STK32A: variants seen among roughly 807,000 people sequenced by gnomAD.
The protein encoded by STK32A is serine/threonine-protein kinase 32A.
In STK32A, 41 loss-of-function variants were observed where a neutral mutation model predicts 53.2. The observed-to-expected ratio is 0.77, with a 90% CI of 0.60 to 1.00. The LOEUF (loss-of-function observed/expected upper bound fraction) is 1.00, where lower values mean the gene tolerates loss of function less well. STK32A is among the 50% of genes least tolerant of loss of function. The pLI, the probability that STK32A is intolerant of heterozygous loss-of-function variation, is 0.00. For synonymous variants in STK32A, 166 were observed against 162.8 expected, an observed-to-expected ratio of 1.02 and a Z score of -0.15; for missense variants, 458 against 485.8, an observed-to-expected ratio of 0.94 and a Z score of 0.54.
intron 4 of STK32A, among the ~76,000 whole-genome samples, chr5:147,287,108 C>T (rs1185867779): frequency 6.6e-6 from 1 of 152,198 alleles, no homozygotes; most frequent in African/African-American, 2.4e-5. Context: ...TTTTGCAGAG[C>T]TGAAGCTAAC....
chr5:147,366,580 C>A (rs1353512133), intron 8 of STK32A, among the ~76,000 whole-genome samples: 1 of 152,192 alleles, frequency 6.6e-6, no homozygotes, highest in Non-Finnish European at 1.5e-5. Context: ...TGATCCGAAT[C>A]TCTTCCAAAC....
downstream of STK32A, among the ~76,000 whole-genome samples, chr5:147,388,077 T>C (rs1420958382): frequency 6.6e-6 from 1 of 152,174 alleles, no homozygotes; most frequent in African/African-American, 2.4e-5. Flanking sequence ...AAACTAAAAA[T>C]CCTTACCTCT....
chr5:147,341,260 C>T (rs779334776), intron 5 of STK32A, among the ~76,000 whole-genome samples: 19 of 152,204 alleles, frequency 1.2e-4, no homozygotes, highest in Admixed American at 5.9e-4. Context: ...GGAAAGAGCC[C>T]GACACCTGGT....
chr5:147,290,470 C>T (rs1023351208), intron 4 of STK32A, among the ~76,000 whole-genome samples: 1 of 152,132 alleles, frequency 6.6e-6, no homozygotes, highest in East Asian at 1.9e-4. Flanking sequence ...GGGCTCTTCA[C>T]AAAGCCCTGG....
At chr5:147,377,938 A>G (rs1429099733) in intron 11 of STK32A, among the ~76,000 whole-genome samples, 1 of 152,118 alleles carries the variant, frequency 6.6e-6, no homozygotes. Flanking sequence ...TTCAAAAATA[A>G]AAGGTACTTT....
At chr5:147,335,382 C>T (rs993119662) in intron 5 of STK32A, among the ~76,000 whole-genome samples, 9 of 152,110 alleles carry the variant, frequency 5.9e-5, no homozygotes, top group African/African-American at 2.2e-4. Context: ...GTGTGCTGGA[C>T]TTGGAGGGTA....
At chr5:147,359,779 G>A (rs899170642) in intron 7 of STK32A, among the ~76,000 whole-genome samples, 2 of 152,194 alleles carry the variant, frequency 1.3e-5, no homozygotes, top group African/African-American at 4.8e-5. Flanking sequence ...AAAGGTGAAT[G>A]CACTAGGGAA....
intron 4 of STK32A, among the ~76,000 whole-genome samples, chr5:147,283,657 T>G (rs569842194): frequency 6.6e-6 from 1 of 152,206 alleles, no homozygotes; most frequent in East Asian, 1.9e-4. Flanking sequence ...TCAAGGCTAC[T>G]ATGAACACCT....
At chr5:147,294,487 T>A in intron 4 of STK32A, among the ~76,000 whole-genome samples, 1 of 152,056 alleles carries the variant, frequency 6.6e-6, no homozygotes. Flanking sequence ...GTATACTTCT[T>A]TTTTAGATTG....
At chr5:147,376,250 T>C (rs571983468) in intron 11 of STK32A, among the ~76,000 whole-genome samples, 1 of 152,304 alleles carries the variant, frequency 6.6e-6, no homozygotes, top group East Asian at 1.9e-4. Flanking sequence ...AACTGGCTTC[T>C]CGTCAGATTC....
chr5:147,334,571 C>T (rs558054642), intron 5 of STK32A, among the ~76,000 whole-genome samples: 18 of 152,248 alleles, frequency 1.2e-4, no homozygotes, highest in African/African-American at 4.3e-4. Flanking sequence ...ACTGTGGTCC[C>T]ATCTATGAAA....
At chr5:147,250,941 C>CAAA (rs71001422) in intron 2 of STK32A, among the ~76,000 whole-genome samples, 4 of 101,172 alleles carry the variant, frequency 4.0e-5, no homozygotes, top group East Asian at 2.9e-4. Context: ...GACTCCATCT[C>CAAA]AAAAAAAAAA....
intron 4 of STK32A, among the ~76,000 whole-genome samples, chr5:147,282,437 A>G (rs1473660716): frequency 1.3e-5 from 2 of 152,176 alleles, no homozygotes; most frequent in Non-Finnish European, 2.9e-5. Context: ...GGTACCTCAC[A>G]TTTCAATACT....
At chr5:147,343,213 T>A (rs771582219) in intron 6 of STK32A, 170 bp downstream of exon 6, 1 of 786,964 alleles carries the variant, frequency 1.3e-6, no homozygotes, top group Non-Finnish European at 2.3e-6. Context: ...TTATGGCAGG[T>A]TATAGTACAA....
At chr5:147,355,521 C>A (rs1581131900) in intron 7 of STK32A, among the ~76,000 whole-genome samples, 1 of 151,152 alleles carries the variant, frequency 6.6e-6, no homozygotes, top group South Asian at 2.1e-4. Context: ...AAAAAATACA[C>A]AAAAAAATTA....
At chr5:147,295,097 T>G (rs978892748) in intron 4 of STK32A, among the ~76,000 whole-genome samples, 5 of 152,224 alleles carry the variant, frequency 3.3e-5, no homozygotes, top group African/African-American at 1.2e-4. Context: ...TATTTATAGA[T>G]GAAAACCATT....
chr5:147,381,976 A>G lies in STK32A; in HGVS notation c.1033-1465A>G, dbSNP rs1348105026. On this transcript the variant is annotated intron_variant, in intron 11 of 12. Coordinates refer to ENST00000397936, the MANE Select transcript of STK32A (RefSeq NM_001112724.2). ...ACGATAGCTGATGAGCTAAAGAAAAATCACCCTCAAAAAAATCTCCTAATG... is the reference window on the plus strand; with the variant it reads ...ACGATAGCTGATGAGCTAAAGAAAAGTCACCCTCAAAAAAATCTCCTAATG... Among the ~76,000 whole-genome samples the G allele has an allele frequency of 3.3e-5, 5 of 152,118 alleles. No individual in the cohort carries two copies. The East Asian group carries it at 9.7e-4, about 29-fold the overall frequency.
chr5:147,327,309 T>G (rs1405578454), intron 5 of STK32A, among the ~76,000 whole-genome samples: 1 of 152,224 alleles, frequency 6.6e-6, no homozygotes, highest in African/African-American at 2.4e-5. Context: ...CGATTCATGT[T>G]GTACTTGAAT....
chr5:147,317,633 G>T (rs980284845), intron 4 of STK32A, among the ~76,000 whole-genome samples: 1 of 151,742 alleles, frequency 6.6e-6, no homozygotes, highest in African/African-American at 2.4e-5. Flanking sequence ...CCCACCCTTG[G>T]TTTTTTTCAA....
Sources: gnomAD v4.1 joint callset for allele counts (sites outside exome capture counted in the v4.1 genomes callset) on GRCh38, gnomAD v4.1.1 for gene constraint, MANE v1.5 for transcripts, NCBI Gene and HGNC (gene_info 2026-07-23, HGNC 2026-07-21) for gene names.